The following FXR1 variants were observed in gnomAD, a reference collection of about 807,000 sequenced individuals.
FXR1 encodes FMR1 autosomal homolog 1.
In FXR1, 15 loss-of-function variants were observed where a neutral mutation model predicts 84.0. The ratio of observed to expected loss-of-function variants is 0.18; its 90% confidence interval spans 0.12 to 0.27. FXR1 has a LOEUF of 0.27. Among genes scored for constraint, FXR1 ranks in the 10% least tolerant of loss-of-function variants. The pLI, the probability that FXR1 is intolerant of heterozygous loss-of-function variation, is 1.00. For missense variants in FXR1, 480 were observed against 774.4 expected, an observed-to-expected ratio of 0.62 and a Z score of 4.51; for synonymous variants, 245 against 250.7, an observed-to-expected ratio of 0.98 and a Z score of 0.21.
chr3:180,962,859 T>TA, intron 11 of FXR1, 24 bp from the exon 12 acceptor site: 1 of 1,514,604 alleles, frequency 6.6e-7, no homozygotes, highest in Non-Finnish European at 9.2e-7. Context: ...TAAGAAGACT[T>TA]ACTCTTTTTT....
intron 1 of FXR1, among the ~76,000 whole-genome samples, chr3:180,917,471 GGTT>G (rs1290314843): frequency 2.0e-5 from 3 of 152,086 alleles, no homozygotes; most frequent in Non-Finnish European, 4.4e-5. Flanking sequence ...AATTTAAAAT[GGTT>G]GTTTTGCATA....
chr3:180,948,207 A>G lies in FXR1; in HGVS notation c.271-140A>G, dbSNP rs539862259. On this transcript the variant is annotated intron_variant, in intron 4 of 16. Transcript: ENST00000357559. ...AATCTAGTTTAGGCAAATCAGATTG[A>G]TGTAGCTAAGCTGTGCTTAGTATTT... is the stretch of plus-strand genomic sequence containing the variant. 36 of 655,596 alleles carry G rather than the reference A, an allele frequency of 5.5e-5. No homozygotes were observed. The East Asian group carries it at 7.6e-4, about 14-fold the overall frequency. The allele number at this position is 655,596 out of a possible 1,614,324, so 40.6% of individuals were successfully genotyped here.
Position 180,980,242 on chromosome 3 carries a change from A to T in FXR1, c.*3950A>T, listed in dbSNP as rs1714546261. The T allele has an allele frequency of 6.6e-6, 1 of 152,078 alleles. No homozygotes were observed. The highest frequency in any genetic ancestry group is 1.5e-5 in the Non-Finnish European group (1 of 67,964). 9.4% of individuals were successfully genotyped at this position (152,078 alleles called of 1,614,324 possible). A position where few individuals can be genotyped will look rare whatever the true frequency, so the allele number is the denominator to read the frequency against. On this transcript the variant is annotated 3_prime_UTR_variant, in exon 17 of 17. Transcript: ENST00000357559. ...TGTTTTACATATGTATCCATCCCAG[A>T]CATTTTCAACTATGCTGAATGCAAT...
intron 15 of FXR1, among the ~76,000 whole-genome samples, chr3:180,972,571 G>A (rs1355248824): frequency 6.6e-6 from 1 of 152,172 alleles, no homozygotes; most frequent in Non-Finnish European, 1.5e-5. Context: ...GAACTTAACA[G>A]AATATATTAC....
At chr3:180,925,743 G>A (rs930923232) in intron 1 of FXR1, among the ~76,000 whole-genome samples, 1 of 152,172 alleles carries the variant, frequency 6.6e-6, no homozygotes, top group Non-Finnish European at 1.5e-5. Flanking sequence ...GCCAGAGTAT[G>A]AATCAATAAA....
chr3:180,915,422 G>T (rs949569911), intron 1 of FXR1: 1 of 877,244 alleles, frequency 1.1e-6, no homozygotes, highest in Non-Finnish European at 1.8e-6. Flanking sequence ...ATATAGAATC[G>T]TACACTATAT....
chr3:180,961,045 T>C (rs1465546374), intron 10 of FXR1, among the ~76,000 whole-genome samples: 3 of 152,038 alleles, frequency 2.0e-5, no homozygotes, highest in East Asian at 3.9e-4. Context: ...TAATTATATA[T>C]TGGGGCTGGG....
intron 1 of FXR1, among the ~76,000 whole-genome samples, chr3:180,914,351 G>T (rs1281977067): frequency 1.3e-5 from 2 of 151,946 alleles, no homozygotes; most frequent in Non-Finnish European, 2.9e-5. Context: ...TAGATAAGTC[G>T]TTTTGCATCA....
intron 3 of FXR1, among the ~76,000 whole-genome samples, chr3:180,939,367 A>C (rs1304500227): frequency 6.6e-6 from 1 of 152,032 alleles, no homozygotes; most frequent in Non-Finnish European, 1.5e-5. Flanking sequence ...TTTTTCTGGG[A>C]TTGTGCAAAA....
chr3:180,933,102 T>C, intron 1 of FXR1: 2 of 469,166 alleles, frequency 4.3e-6, no homozygotes, highest in Non-Finnish European at 7.5e-6. Flanking sequence ...ACATTTACTT[T>C]TGCTAATTCC....
chr3:180,956,291 C>T (rs975075539), intron 9 of FXR1, among the ~76,000 whole-genome samples: 2 of 152,186 alleles, frequency 1.3e-5, no homozygotes, highest in Non-Finnish European at 2.9e-5. Context: ...CTCTCTGTCC[C>T]TTCAGCATTT....
At chr3:180,948,600 C>A in intron 5 of FXR1, 105 bp downstream of exon 5, 2 of 1,013,986 alleles carry the variant, frequency 2.0e-6, no homozygotes, top group East Asian at 4.8e-5. Context: ...GATGGAAAAT[C>A]ATCTTAATGA....
chr3:180,931,499 G>T (rs139978610), intron 1 of FXR1, among the ~76,000 whole-genome samples: 1 of 152,042 alleles, frequency 6.6e-6, no homozygotes, highest in Non-Finnish European at 1.5e-5. Flanking sequence ...CATTTCAGGC[G>T]TGAGTCACTG....
chr3:180,979,454 T>TA lies in FXR1; in HGVS notation c.*3163dup, dbSNP rs1243591857. The TA allele has an allele frequency of 9.9e-5, 15 of 152,272 alleles. No individual in the cohort carries two copies. Among genetic ancestry groups the TA allele is most frequent in the Non-Finnish European group, 2.2e-4 (15 of 67,964 alleles). 9.4% of individuals were successfully genotyped at this position (152,272 alleles called of 1,614,324 possible). Reference sequence around the variant, plus strand: ...AAATCTCAAAGAAAAGGATGTTTGTTACTGTCTCAGTCTTCCTGTCTTTGC... The same window carrying TA: ...AAATCTCAAAGAAAAGGATGTTTGTTAACTGTCTCAGTCTTCCTGTCTTTGC... On this transcript the variant is annotated 3_prime_UTR_variant, in exon 17 of 17. Transcript: ENST00000357559.
chr3:180,956,296 G>A (rs1045645418), intron 9 of FXR1, among the ~76,000 whole-genome samples: 1 of 152,118 alleles, frequency 6.6e-6, no homozygotes, highest in Non-Finnish European at 1.5e-5. Flanking sequence ...TGTCCCTTCA[G>A]CATTTATATT....
chr3:180,944,954 A>G (rs1301113917), intron 3 of FXR1, among the ~76,000 whole-genome samples: 1 of 152,250 alleles, frequency 6.6e-6, no homozygotes, highest in Admixed American at 6.5e-5. Context: ...GGGTTTAAAC[A>G]TAGCAAATCT....
In FXR1 at chr3:180,959,800, C is replaced by CTG. The variant is rs569947915; in HGVS notation, c.991-1666_991-1665dup. ...ACTTCTTCAAAGCCACTGTGAACCT[C>CTG]TGTAATAGCTGTGCTATATCCCTAG... On this transcript the variant is annotated intron_variant, in intron 10 of 16. Coordinates refer to ENST00000357559, the MANE Select transcript of FXR1 (RefSeq NM_005087.4). Among the ~76,000 whole-genome samples, 134 of 152,172 alleles carry CTG rather than the reference C, an allele frequency of 8.8e-4. 1 individual carries two copies. Among genetic ancestry groups the CTG allele is most frequent in the African/African-American group, 2.9e-3 (120 of 41,544 alleles).
intron 9 of FXR1, among the ~76,000 whole-genome samples, chr3:180,957,185 A>G (rs1722822666): frequency 1.4e-5 from 2 of 141,934 alleles, no homozygotes; most frequent in Non-Finnish European, 3.1e-5. Flanking sequence ...TTACAAGTTA[A>G]GTGTAGAAAG....
intron 2 of FXR1, among the ~76,000 whole-genome samples, chr3:180,934,707 T>C (rs1458689523): frequency 6.6e-6 from 1 of 152,228 alleles, no homozygotes; most frequent in Non-Finnish European, 1.5e-5. Context: ...TATATGAAAT[T>C]GTGTTTCCTT....
Sources: allele counts gnomAD v4.1 joint callset (sites outside exome capture counted in the v4.1 genomes callset), GRCh38; gene constraint gnomAD v4.1.1; transcripts MANE v1.5; gene names NCBI Gene and HGNC (gene_info 2026-07-23, HGNC 2026-07-21).